Variants in ZNF804B observed in about 807,000 individuals in gnomAD.
ZNF804B encodes zinc finger protein 804B, also known as zinc finger 804B.
Under a neutral mutation model 101.4 loss-of-function variants are expected in ZNF804B, and 80 were observed. The ratio of observed to expected loss-of-function variants is 0.79; its 90% CI spans 0.66 to 0.95. ZNF804B has a LOEUF of 0.95. ZNF804B is among the 40% of genes least tolerant of loss of function. The probability of loss-of-function intolerance (pLI) is 0.00; values close to 1 mark genes in which losing one functional copy is unlikely to be tolerated. For missense variants in ZNF804B, 1,673 were observed against 1,561.9 expected, an observed-to-expected ratio of 1.07 and a Z score of -1.20; for synonymous variants, 622 against 558.8, an observed-to-expected ratio of 1.11 and a Z score of -1.59.
chr7:89,070,163 C>T (rs1046267411), intron 1 of ZNF804B, among the ~76,000 whole-genome samples: 2 of 152,148 alleles, frequency 1.3e-5, no homozygotes, highest in African/African-American at 4.8e-5. Context: ...TGGCAAGGCA[C>T]ATTAGAAGGT....
At chr7:88,873,976 C>T (rs1791882871) in intron 1 of ZNF804B, among the ~76,000 whole-genome samples, 1 of 152,092 alleles carries the variant, frequency 6.6e-6, no homozygotes, top group African/African-American at 2.4e-5. Context: ...TCCATATGAA[C>T]TTTAAAGTAG....
chr7:88,865,583 A>G (rs919057924), intron 1 of ZNF804B, among the ~76,000 whole-genome samples: 4 of 152,190 alleles, frequency 2.6e-5, no homozygotes, highest in African/African-American at 9.7e-5. Flanking sequence ...AATGAAAACA[A>G]GAAACAAACT....
intron 1 of ZNF804B, among the ~76,000 whole-genome samples, chr7:88,774,202 GT>G (rs11349793): frequency 0.36 from 48,564 of 134,328 alleles, 10,555 homozygotes; most frequent in African/African-American, 0.66. Context: ...TGTTTTTTAA[GT>G]TTTTTTTTTT....
At chr7:89,105,597 C>T (rs1790121864) in intron 1 of ZNF804B, among the ~76,000 whole-genome samples, 1 of 152,066 alleles carries the variant, frequency 6.6e-6, no homozygotes, top group Non-Finnish European at 1.5e-5. Flanking sequence ...CCCATGTTTG[C>T]CTCCACTCTC....
intron 1 of ZNF804B, among the ~76,000 whole-genome samples, chr7:89,199,055 T>C (rs1424486596): frequency 1.3e-5 from 2 of 151,846 alleles, no homozygotes; most frequent in South Asian, 2.1e-4. Flanking sequence ...CACAGGATTT[T>C]TTCTTCCCTC....
intron 1 of ZNF804B, among the ~76,000 whole-genome samples, chr7:89,193,632 G>C (rs966469673): frequency 2.0e-5 from 3 of 152,032 alleles, no homozygotes; most frequent in Non-Finnish European, 4.4e-5. Flanking sequence ...TTCCTACAAA[G>C]GACATGAACT....
At chr7:89,249,173 G>C (rs2115783304) in intron 2 of ZNF804B, among the ~76,000 whole-genome samples, 1 of 152,214 alleles carries the variant, frequency 6.6e-6, no homozygotes, top group East Asian at 1.9e-4. Flanking sequence ...CCTATGGAAA[G>C]ATGTAGATAG....
chr7:89,302,429 T>A (rs953290084), intron 2 of ZNF804B, among the ~76,000 whole-genome samples: 1 of 151,812 alleles, frequency 6.6e-6, no homozygotes, highest in Non-Finnish European at 1.5e-5. Flanking sequence ...CCTGAGAATA[T>A]GTCATCTTGG....
intron 1 of ZNF804B, among the ~76,000 whole-genome samples, chr7:88,876,990 G>T (rs1280600207): frequency 1.3e-5 from 1 of 74,232 alleles, no homozygotes. Flanking sequence ...ATTATACAGA[G>T]AATATTTGAA....
chr7:89,109,271 T>C (rs1790179366), intron 1 of ZNF804B, among the ~76,000 whole-genome samples: 1 of 152,170 alleles, frequency 6.6e-6, no homozygotes, highest in South Asian at 2.1e-4. Flanking sequence ...ACAAGCACAT[T>C]GAGATAATAA....
intron 1 of ZNF804B, among the ~76,000 whole-genome samples, chr7:88,890,068 CA>C: frequency 6.6e-6 from 1 of 152,050 alleles, no homozygotes; most frequent in Non-Finnish European, 1.5e-5. Context: ...ATTATATTGA[CA>C]ATAAGTTATT....
At chr7:89,332,166 G>A (rs1790995593) in intron 3 of ZNF804B, among the ~76,000 whole-genome samples, 1 of 151,648 alleles carries the variant, frequency 6.6e-6, no homozygotes, top group African/African-American at 2.4e-5. Context: ...TCTATAATAT[G>A]ATTCATCTAG....
At position 88,786,723 on chromosome 7, in the gene ZNF804B, G is replaced by A. The variant is rs939357259; in HGVS notation, c.108+26639G>A. ...ATCCAACCAGGAAGGAGCAATTTTT[G>A]CTTGATAATTCCAACAAAAATTGTT... On this transcript the variant is annotated intron_variant, in intron 1 of 3. Transcript: ENST00000333190. Among the ~76,000 whole-genome samples, 3 of 152,052 alleles carry A rather than the reference G, an allele frequency of 2.0e-5. No individual in the cohort carries two copies. The East Asian group carries it at 5.8e-4, about 29-fold the overall frequency.
chr7:89,080,832 A>G (rs369708498), intron 1 of ZNF804B, among the ~76,000 whole-genome samples: 20 of 151,978 alleles, frequency 1.3e-4, no homozygotes, highest in East Asian at 3.9e-4. Flanking sequence ...GCTTTTTGTC[A>G]TAATAAGGAA....
chr7:89,320,191 A>G (rs38960), intron 2 of ZNF804B, among the ~76,000 whole-genome samples: 44,579 of 151,932 alleles, frequency 0.29, 7,982 homozygotes, highest in East Asian at 0.69. Flanking sequence ...AGAACTTAAA[A>G]TATAAATAAA....
chr7:89,203,068 T>C (rs1788669009), intron 1 of ZNF804B, among the ~76,000 whole-genome samples: 1 of 152,048 alleles, frequency 6.6e-6, no homozygotes, highest in Non-Finnish European at 1.5e-5. Flanking sequence ...CAGAATAGAT[T>C]GGAGCCCAAC....
At chr7:89,320,482 CA>C (rs543965408) in intron 2 of ZNF804B, among the ~76,000 whole-genome samples, 2 of 151,672 alleles carry the variant, frequency 1.3e-5, no homozygotes, top group African/African-American at 4.8e-5. Flanking sequence ...AAAACACACA[CA>C]AAAAAACAGT....
intron 1 of ZNF804B, among the ~76,000 whole-genome samples, chr7:88,931,185 C>T (rs375011770): frequency 4.6e-5 from 7 of 151,992 alleles, no homozygotes; most frequent in African/African-American, 1.7e-4. Flanking sequence ...AGGCTTAAAA[C>T]TATTCATAAA....
chr7:88,935,424 C>T (rs1792951948), intron 1 of ZNF804B, among the ~76,000 whole-genome samples: 1 of 150,276 alleles, frequency 6.7e-6, no homozygotes, highest in Admixed American at 6.6e-5. Flanking sequence ...TGGCTCACAG[C>T]TGCAATCTTA....
Sources: allele counts gnomAD v4.1 joint callset (sites outside exome capture counted in the v4.1 genomes callset), GRCh38; gene constraint gnomAD v4.1.1; transcripts MANE v1.5; gene names NCBI Gene and HGNC (gene_info 2026-07-23, HGNC 2026-07-21).